The following MARCHF1 variants were observed in gnomAD, a reference collection of about 807,000 sequenced individuals.
MARCHF1 encodes membrane associated ring-CH-type finger 1.
A neutral mutation model predicts 54.2 loss-of-function variants in MARCHF1; 40 were observed. That is an observed-to-expected ratio of 0.74 (90% CI 0.57 to 0.96). The LOEUF (loss-of-function observed/expected upper bound fraction) is 0.96, where lower values mean the gene tolerates loss of function less well. Ranked by LOEUF, MARCHF1 falls within the 40% of genes least tolerant of loss-of-function variation. MARCHF1 has a pLI of 0.00. For missense variants in MARCHF1, 586 were observed against 656.5 expected (o/e 0.89, Z 1.17); for synonymous variants, 236 against 236.3 (o/e 1.00, Z 0.01).
intron 3 of MARCHF1, among the ~76,000 whole-genome samples, chr4:163,930,022 C>CTA (rs1751637357): frequency 1.6e-5 from 2 of 126,404 alleles, no homozygotes; most frequent in Non-Finnish European, 3.2e-5. Flanking sequence ...ATTATATATA[C>CTA]TATATTATAT....
chr4:163,643,327 C>CAAAT (rs140111137), intron 5 of MARCHF1, among the ~76,000 whole-genome samples: 1 of 138,012 alleles, frequency 7.2e-6, no homozygotes, highest in South Asian at 2.4e-4. Context: ...GACCCTGTCT[C>CAAAT]AAAAATAAAA....
intron 3 of MARCHF1, among the ~76,000 whole-genome samples, chr4:163,927,031 C>T (rs1225569106): frequency 2.0e-5 from 3 of 151,720 alleles, no homozygotes; most frequent in Non-Finnish European, 3.0e-5. Context: ...ACATACACTT[C>T]CAATCACTTC....
At chr4:163,919,611 A>G (rs1197527009) in intron 3 of MARCHF1, among the ~76,000 whole-genome samples, 1 of 152,066 alleles carries the variant, frequency 6.6e-6, no homozygotes, top group Non-Finnish European at 1.5e-5. Context: ...GATACATTTT[A>G]AAGCACTTCC....
At chr4:163,683,772 C>A (rs1014156561) in intron 5 of MARCHF1, among the ~76,000 whole-genome samples, 3 of 152,158 alleles carry the variant, frequency 2.0e-5, no homozygotes, top group Non-Finnish European at 2.9e-5. Context: ...AAAATGATGA[C>A]AATTTATTTT....
At chr4:163,841,823 T>C (rs1749348689) in intron 4 of MARCHF1, among the ~76,000 whole-genome samples, 1 of 152,130 alleles carries the variant, frequency 6.6e-6, no homozygotes, top group Non-Finnish European at 1.5e-5. Flanking sequence ...CTTTAAAGAA[T>C]AACTGGATTG....
intron 1 of MARCHF1, among the ~76,000 whole-genome samples, chr4:164,295,487 G>C (rs4611881): frequency 0.56 from 85,002 of 151,970 alleles, 25,630 homozygotes; most frequent in Non-Finnish European, 0.69. Context: ...TCTGACTACA[G>C]AAGTAAGCCA....
chr4:163,576,763 CTTG>C (rs749423355), intron 8 of MARCHF1, among the ~76,000 whole-genome samples: 3 of 151,632 alleles, frequency 2.0e-5, no homozygotes, highest in South Asian at 2.1e-4. Flanking sequence ...ATGGTTAAAT[CTTG>C]TTGTTGAAAT....
intron 2 of MARCHF1, among the ~76,000 whole-genome samples, chr4:164,100,037 A>C (rs1473281067): frequency 6.6e-6 from 1 of 152,190 alleles, no homozygotes; most frequent in Non-Finnish European, 1.5e-5. Flanking sequence ...CCATAAATGA[A>C]TCTCTCTAAC....
intron 1 of MARCHF1, among the ~76,000 whole-genome samples, chr4:164,341,592 C>T (rs78931608): frequency 0.016 from 2,499 of 152,284 alleles, 77 homozygotes; most frequent in African/African-American, 0.058. Context: ...ATTTTTGTCA[C>T]TCATGAGAGT....
At chr4:163,598,201 C>T (rs552763052) in intron 7 of MARCHF1, among the ~76,000 whole-genome samples, 8 of 152,256 alleles carry the variant, frequency 5.3e-5, no homozygotes, top group African/African-American at 1.9e-4. Context: ...TGTCTTCAAC[C>T]GCATCATTTG....
intron 1 of MARCHF1, among the ~76,000 whole-genome samples, chr4:164,130,272 T>C (rs1579558599): frequency 2.0e-5 from 3 of 152,288 alleles, no homozygotes; most frequent in Non-Finnish European, 4.4e-5. Context: ...TAACACATTT[T>C]TCAAAATAAT....
intron 2 of MARCHF1, among the ~76,000 whole-genome samples, chr4:164,108,864 C>T (rs903279551): frequency 2.0e-5 from 3 of 151,902 alleles, no homozygotes; most frequent in Admixed American, 1.3e-4. Flanking sequence ...AAGAGAATGG[C>T]AATAGTGGGC....
intron 7 of MARCHF1, among the ~76,000 whole-genome samples, chr4:163,601,758 T>G (rs1221641952): frequency 2.6e-5 from 4 of 152,112 alleles, no homozygotes; most frequent in Non-Finnish European, 4.4e-5. Flanking sequence ...CTTTAATTTT[T>G]TTTTAAGCAA....
chr4:163,828,203 G>A (rs563020115), intron 4 of MARCHF1, among the ~76,000 whole-genome samples: 78 of 152,110 alleles, frequency 5.1e-4, no homozygotes, highest in African/African-American at 1.8e-3. Flanking sequence ...TATTAGATTG[G>A]TGCAAAAGTA....
intron 8 of MARCHF1, among the ~76,000 whole-genome samples, chr4:163,556,333 T>C (rs1739285274): frequency 6.6e-6 from 1 of 152,214 alleles, no homozygotes; most frequent in South Asian, 2.1e-4. Context: ...TTCTGTTGTG[T>C]ATGTTTAGAA....
At chr4:163,704,517 T>A (rs1378667553) in intron 4 of MARCHF1, among the ~76,000 whole-genome samples, 1 of 151,814 alleles carries the variant, frequency 6.6e-6, no homozygotes, top group Non-Finnish European at 1.5e-5. Flanking sequence ...TTAACAAATA[T>A]GTCCAAGTAG....
chr4:163,893,643 A>G (rs1261267945), intron 3 of MARCHF1, among the ~76,000 whole-genome samples: 1 of 152,194 alleles, frequency 6.6e-6, no homozygotes, highest in African/African-American at 2.4e-5. Context: ...TTGAATAGAT[A>G]ATTACTATTG....
chr4:164,021,243 A>G (rs112369530), intron 2 of MARCHF1, among the ~76,000 whole-genome samples: 46 of 152,240 alleles, frequency 3.0e-4, no homozygotes, highest in African/African-American at 1.1e-3. Context: ...TGGTCTAGCC[A>G]GTGGCTACTT....
intron 1 of MARCHF1, among the ~76,000 whole-genome samples, chr4:164,214,635 T>C (rs1731876553): frequency 6.6e-6 from 1 of 152,224 alleles, no homozygotes. Flanking sequence ...TTTGTCAGTT[T>C]AGAAGCCAGC....
Sources: allele counts gnomAD v4.1 joint callset (sites outside exome capture counted in the v4.1 genomes callset), GRCh38; gene constraint gnomAD v4.1.1; transcripts MANE v1.5; gene names NCBI Gene and HGNC (gene_info 2026-07-23, HGNC 2026-07-21).